EYS: variants seen among roughly 807,000 people sequenced by gnomAD.
The protein encoded by EYS is EGF-like photoreceptor maintenance factor.
In EYS, 250 loss-of-function variants were observed where a neutral mutation model predicts 282.1. That is an observed-to-expected ratio of 0.89 (90% CI 0.80 to 0.98). EYS has a LOEUF of 0.98. Among genes scored for constraint, EYS ranks in the 50% least tolerant of loss-of-function variants. The pLI is 0.00. For missense variants in EYS, 4,016 were observed against 3,709.0 expected (o/e 1.08, Z -2.15); for synonymous variants, 1,355 against 1,282.9 (o/e 1.06, Z -1.20).
intron 2 of EYS, among the ~76,000 whole-genome samples, chr6:65,603,267 G>A (rs559513004): frequency 2.0e-4 from 31 of 151,988 alleles, no homozygotes; most frequent in Non-Finnish European, 4.3e-4. Context: ...TTGGCAATGG[G>A]TAAGTGGATC....
intron 5 of EYS, among the ~76,000 whole-genome samples, chr6:65,486,017 G>T (rs1747063953): frequency 6.6e-6 from 1 of 152,154 alleles, no homozygotes; most frequent in Non-Finnish European, 1.5e-5. Context: ...TAAAGTTATT[G>T]GTTCCTGTGG....
chr6:64,015,957 T>C (rs1768871092), intron 33 of EYS, among the ~76,000 whole-genome samples: 1 of 152,242 alleles, frequency 6.6e-6, no homozygotes, highest in Non-Finnish European at 1.5e-5. Context: ...TAAGGAATTC[T>C]GAGTGCTGAG....
intron 30 of EYS, among the ~76,000 whole-genome samples, chr6:64,238,035 G>A (rs1296927452): frequency 6.6e-6 from 1 of 152,038 alleles, no homozygotes; most frequent in African/African-American, 2.4e-5. Flanking sequence ...ACCTTAATAA[G>A]TTTAGTAAGA....
At chr6:64,825,913 ATAT>A (rs1765042420) in intron 19 of EYS, among the ~76,000 whole-genome samples, 1 of 151,566 alleles carries the variant, frequency 6.6e-6, no homozygotes, top group Admixed American at 6.6e-5. Flanking sequence ...ACATATATAT[ATAT>A]ATATATAAAT....
intron 35 of EYS, among the ~76,000 whole-genome samples, chr6:63,978,712 T>C (rs1766955235): frequency 6.6e-6 from 1 of 151,808 alleles, no homozygotes; most frequent in Non-Finnish European, 1.5e-5. Context: ...ACAGAACAAA[T>C]GGAAAAGCTA....
intron 19 of EYS, among the ~76,000 whole-genome samples, chr6:64,832,506 T>C (rs1053360572): frequency 6.6e-6 from 1 of 151,840 alleles, no homozygotes; most frequent in African/African-American, 2.4e-5. Flanking sequence ...GAATAATTTC[T>C]AGAGATAAGC....
intron 13 of EYS, among the ~76,000 whole-genome samples, chr6:65,003,872 C>T (rs1771547166): frequency 6.8e-6 from 1 of 147,272 alleles, no homozygotes; most frequent in South Asian, 2.2e-4. Context: ...TTCTGTTTCT[C>T]CTTTTTATGC....
intron 22 of EYS, chr6:64,730,863 C>A (rs1771938628): frequency 6.6e-6 from 1 of 152,140 alleles, no homozygotes; most frequent in South Asian, 2.1e-4. Flanking sequence ...AACTCTTAGT[C>A]TTGTTAAGAT....
chr6:65,433,131 A>G (rs2150385776), intron 5 of EYS, among the ~76,000 whole-genome samples: 1 of 152,318 alleles, frequency 6.6e-6, no homozygotes, highest in African/African-American at 2.4e-5. Flanking sequence ...CCATAGGAAA[A>G]GTCTATTGAG....
chr6:65,604,340 A>G (rs1036331274), intron 2 of EYS, among the ~76,000 whole-genome samples: 1 of 152,008 alleles, frequency 6.6e-6, no homozygotes, highest in African/African-American at 2.4e-5. Context: ...TAATTTTACA[A>G]TGTTGATGTG....
intron 22 of EYS, among the ~76,000 whole-genome samples, chr6:64,749,280 C>T (rs1206435764): frequency 6.6e-6 from 1 of 152,050 alleles, no homozygotes; most frequent in African/African-American, 2.4e-5. Context: ...CTTTTGTACA[C>T]CATTTGATCA....
At chr6:63,752,137 A>T (rs936903702) in intron 41 of EYS, among the ~76,000 whole-genome samples, 2 of 152,196 alleles carry the variant, frequency 1.3e-5, no homozygotes, top group Admixed American at 1.3e-4. Context: ...CTAGAAAATA[A>T]AGCATATAGT....
intron 37 of EYS, among the ~76,000 whole-genome samples, chr6:63,801,565 G>A (rs1178493305): frequency 6.6e-6 from 1 of 152,178 alleles, no homozygotes; most frequent in Non-Finnish European, 1.5e-5. Context: ...ACTACTGTGG[G>A]ATATATAGGG....
At chr6:64,836,264 GA>G (rs1765379699) in intron 19 of EYS, among the ~76,000 whole-genome samples, 1 of 148,478 alleles carries the variant, frequency 6.7e-6, no homozygotes, top group Admixed American at 6.8e-5. Context: ...CTTCTATGAG[GA>G]ATACATATCA....
chr6:64,327,850 C>T (rs1221757946), intron 29 of EYS, among the ~76,000 whole-genome samples: 1 of 152,100 alleles, frequency 6.6e-6, no homozygotes, highest in Non-Finnish European at 1.5e-5. Flanking sequence ...CCCAGCTGCC[C>T]CCAGAGGTTC....
chr6:64,379,789 G>A (rs1391485952), intron 29 of EYS: 1 of 152,010 alleles, frequency 6.6e-6, no homozygotes, highest in Non-Finnish European at 1.5e-5. Context: ...TATATGCTGA[G>A]GAAATGGTAT....
chr6:64,376,411 G>A (rs1185218765), intron 29 of EYS, among the ~76,000 whole-genome samples: 1 of 152,152 alleles, frequency 6.6e-6, no homozygotes, highest in East Asian at 1.9e-4. Context: ...GCAAATGAAG[G>A]ACTGGGGAAA....
chr6:65,122,557 A>G (rs1410627855), intron 12 of EYS, among the ~76,000 whole-genome samples: 1 of 151,978 alleles, frequency 6.6e-6, no homozygotes, highest in East Asian at 1.9e-4. Context: ...TTATCATAGG[A>G]AAAAAAAGTG....
intron 31 of EYS, among the ~76,000 whole-genome samples, chr6:64,146,051 C>T (rs915871554): frequency 2.0e-5 from 3 of 152,072 alleles, no homozygotes; most frequent in African/African-American, 7.2e-5. Flanking sequence ...AGTCTTCTGT[C>T]ACAGTTTTCC....
Sources: gnomAD v4.1 joint callset for allele counts (sites outside exome capture counted in the v4.1 genomes callset) on GRCh38, gnomAD v4.1.1 for gene constraint, MANE v1.5 for transcripts, NCBI Gene and HGNC (gene_info 2026-07-23, HGNC 2026-07-21) for gene names.